TMEM163: variants seen among roughly 807,000 people sequenced by gnomAD.
TMEM163 encodes the protein transmembrane protein 163.
A neutral mutation model predicts 29.3 loss-of-function variants in TMEM163; 17 were observed. The ratio of observed to expected loss-of-function variants is 0.58; its 90% CI spans 0.40 to 0.87. The LOEUF (loss-of-function observed/expected upper bound fraction) is 0.87, where lower values mean the gene tolerates loss of function less well. Among genes scored for constraint, TMEM163 ranks in the 40% least tolerant of loss-of-function variants. TMEM163 has a pLI of 0.00. For missense variants in TMEM163, 303 were observed against 381.5 expected (o/e 0.79, Z 1.71); for synonymous variants, 157 against 160.6 (o/e 0.98, Z 0.17).
In TMEM163 at chr2:134,690,087, T is replaced by C. The variant is rs149590026; in HGVS notation, c.322+23113A>G. 6.4e-4 allele frequency among the ~76,000 whole-genome samples: 98 copies of C among 152,148 alleles called. 1 individual carries two copies. Among genetic ancestry groups the C allele is most frequent in the Admixed American group, 1.8e-3 (28 of 15,286 alleles). Reference sequence around the variant, plus strand: ...CTGGGACTACAGGCACGCACCACCATGCCTGGCTAATTTTTGTATTTTTAG... The same window carrying C: ...CTGGGACTACAGGCACGCACCACCACGCCTGGCTAATTTTTGTATTTTTAG... On this transcript the variant is annotated intron_variant, in intron 2 of 7. Transcript: ENST00000281924.
At chr2:134,568,624 AAAAG>A (rs573244557) in intron 2 of TMEM163, among the ~76,000 whole-genome samples, 9 of 151,638 alleles carry the variant, frequency 5.9e-5, no homozygotes, top group Non-Finnish European at 7.4e-5. Flanking sequence ...AAAGAAAGAA[AAAAG>A]AAAGAAGAAA....
At chr2:134,695,869 G>T (rs977997026) in intron 2 of TMEM163, among the ~76,000 whole-genome samples, 1 of 152,064 alleles carries the variant, frequency 6.6e-6, no homozygotes, top group African/African-American at 2.4e-5. Flanking sequence ...CGGCCAATAT[G>T]GCGAAACCCC....
rs114335449 is a variant in TMEM163 at position 134,588,848 on chromosome 2, G to T, written c.323-36757C>A. ...GGCAAGTAAACAGGCAAAACGTTGG[G>T]GGGGGAAGAGGCCATTCGGTGGGGA... On this transcript the variant is annotated intron_variant, in intron 2 of 7. Transcript: ENST00000281924. Among the ~76,000 whole-genome samples the T allele has an allele frequency of 2.8e-3, 432 of 152,194 alleles. 2 individuals are homozygous for T. The highest frequency in any genetic ancestry group is 9.6e-3 in the African/African-American group (398 of 41,468).
At chr2:134,519,747 C>T (rs1301445829) in intron 4 of TMEM163, among the ~76,000 whole-genome samples, 1 of 151,094 alleles carries the variant, frequency 6.6e-6, no homozygotes, top group Non-Finnish European at 1.5e-5. Flanking sequence ...AAAAATCCAC[C>T]AGGCGTGGTG....
chr2:134,456,519 G>T lies in TMEM163; in HGVS notation c.*197C>A, dbSNP rs984115642. The T allele has an allele frequency of 4.7e-6, 3 of 633,830 alleles. No homozygotes were observed. The highest frequency in any genetic ancestry group is 5.6e-6 in the Non-Finnish European group (2 of 355,866). 39.3% of individuals were successfully genotyped at this position (633,830 alleles called of 1,614,324 possible). On this transcript the variant is annotated 3_prime_UTR_variant, in exon 8 of 8. Coordinates refer to ENST00000281924, the MANE Select transcript of TMEM163 (RefSeq NM_030923.5). ...AAGGAGGTCCATTCCTATGGGCATT[G>T]TCCCAACATGTTTGATGGGGGCGGC...
intron 2 of TMEM163, among the ~76,000 whole-genome samples, chr2:134,615,699 C>T (rs1227644302): frequency 2.1e-5 from 3 of 140,176 alleles, no homozygotes; most frequent in Non-Finnish European, 4.5e-5. Context: ...CTCTGTCACC[C>T]AAGCTATAGT....
chr2:134,677,222 C>A (rs764925649), intron 2 of TMEM163, among the ~76,000 whole-genome samples: 1 of 152,098 alleles, frequency 6.6e-6, no homozygotes, highest in African/African-American at 2.4e-5. Context: ...CACGTTGGGA[C>A]GGAGGCTGCA....
At chr2:134,564,780 A>G (rs1003367729) in intron 2 of TMEM163, among the ~76,000 whole-genome samples, 3 of 152,234 alleles carry the variant, frequency 2.0e-5, no homozygotes, top group African/African-American at 7.2e-5. Context: ...AGGGACAATA[A>G]AACTAAAACC....
rs553074857 is a variant in TMEM163 at position 134,504,533 on chromosome 2, C to A, written c.459-1536G>T. On this transcript the variant is annotated intron_variant, in intron 4 of 7. Coordinates refer to ENST00000281924, the MANE Select transcript of TMEM163 (RefSeq NM_030923.5). The stretch of plus-strand genomic sequence containing the variant: ...TCCGCACAATTGACAGTGACAAGGA[C>A]ACAACCTGGGAATGGACTCAACTGT... Among the ~76,000 whole-genome samples, 70 of 152,136 alleles carry A rather than the reference C, an allele frequency of 4.6e-4. 1 individual carries two copies. The highest frequency in any genetic ancestry group is 1.6e-3 in the African/African-American group (65 of 41,526).
At chr2:134,488,242 G>T (rs1230171221) in intron 5 of TMEM163, among the ~76,000 whole-genome samples, 1 of 152,178 alleles carries the variant, frequency 6.6e-6, no homozygotes, top group East Asian at 1.9e-4. Flanking sequence ...ATTTTATCTT[G>T]AACTCCTGAT....
intron 2 of TMEM163, among the ~76,000 whole-genome samples, chr2:134,623,775 A>G (rs960483454): frequency 6.6e-6 from 1 of 152,190 alleles, no homozygotes; most frequent in South Asian, 2.1e-4. Flanking sequence ...CTTAAAAAGA[A>G]AAAAGGGATA....
intron 4 of TMEM163, among the ~76,000 whole-genome samples, chr2:134,547,422 G>C (rs1574226799): frequency 6.6e-6 from 1 of 152,060 alleles, no homozygotes; most frequent in Admixed American, 6.5e-5. Flanking sequence ...TTCATCCCAA[G>C]GTTTTGGGTC....
intron 6 of TMEM163, among the ~76,000 whole-genome samples, chr2:134,459,789 G>A (rs975435050): frequency 4.0e-5 from 6 of 148,910 alleles, no homozygotes; most frequent in African/African-American, 1.2e-4. Context: ...GTCCTCCCCT[G>A]CATCCCCACC....
At chr2:134,507,715 G>A (rs1484369487) in intron 4 of TMEM163, among the ~76,000 whole-genome samples, 1 of 152,122 alleles carries the variant, frequency 6.6e-6, no homozygotes, top group Admixed American at 6.6e-5. Flanking sequence ...AAATTAGCTG[G>A]GCATGGTGGT....
At chr2:134,513,809 C>T (rs1284895142) in intron 4 of TMEM163, among the ~76,000 whole-genome samples, 1 of 152,224 alleles carries the variant, frequency 6.6e-6, no homozygotes, top group African/African-American at 2.4e-5. Flanking sequence ...CCATCAGACA[C>T]TCTCCCTGGA....
chr2:134,538,545 C>T (rs1368979612), intron 4 of TMEM163, among the ~76,000 whole-genome samples: 3 of 152,160 alleles, frequency 2.0e-5, no homozygotes, highest in South Asian at 2.1e-4. Flanking sequence ...AGCCTCAAGG[C>T]GGAAACAACA....
chr2:134,542,578 C>A (rs1055432201), intron 4 of TMEM163, among the ~76,000 whole-genome samples: 2 of 152,142 alleles, frequency 1.3e-5, no homozygotes, highest in African/African-American at 2.4e-5. Flanking sequence ...GCATTAGATT[C>A]TCATAGGAGC....
At chr2:134,477,469 G>A (rs1350426971) in intron 5 of TMEM163, among the ~76,000 whole-genome samples, 1 of 152,150 alleles carries the variant, frequency 6.6e-6, no homozygotes, top group Admixed American at 6.5e-5. Flanking sequence ...TGCTAACCTG[G>A]ACTTCATGAG....
intron 5 of TMEM163, among the ~76,000 whole-genome samples, chr2:134,488,521 C>T (rs907569083): frequency 5.9e-5 from 9 of 152,180 alleles, no homozygotes; most frequent in African/African-American, 1.2e-4. Flanking sequence ...CTCAGGTCTT[C>T]GGCCACAGAC....
Sources: gnomAD v4.1 joint callset for allele counts (sites outside exome capture counted in the v4.1 genomes callset) on GRCh38, gnomAD v4.1.1 for gene constraint, MANE v1.5 for transcripts, NCBI Gene and HGNC (gene_info 2026-07-23, HGNC 2026-07-21) for gene names.